ZNF618: variants seen among roughly 807,000 people sequenced by gnomAD.
The protein encoded by ZNF618 is neural precursor cell expressed, developmentally down-regulated 10.
ZNF618 carries 34 observed loss-of-function variants against 103.0 expected under a neutral mutation model. That is an observed-to-expected ratio of 0.33 (90% CI 0.25 to 0.44). ZNF618 has a LOEUF of 0.44. Among genes scored for constraint, ZNF618 ranks in the 20% least tolerant of loss-of-function variants. The pLI, the probability that ZNF618 is intolerant of heterozygous loss-of-function variation, is 1.00. For missense variants in ZNF618, 1,059 were observed against 1,295.4 expected, an observed-to-expected ratio of 0.82 and a Z score of 2.80; for synonymous variants, 551 against 542.2, an observed-to-expected ratio of 1.02 and a Z score of -0.23.
chr9:113,914,321 AGCCTCTTTTGGTTCCC>A (rs1831854640), intron 1 of ZNF618, among the ~76,000 whole-genome samples: 1 of 152,178 alleles, frequency 6.6e-6, no homozygotes, highest in African/African-American at 2.4e-5. Context: ...AAATTCCAAG[AGCCTCTTTTGGTTCCC>A]TCTGGCAGCC....
chr9:113,941,899 G>A (rs547578100), intron 1 of ZNF618, among the ~76,000 whole-genome samples: 30 of 152,270 alleles, frequency 2.0e-4, no homozygotes, highest in African/African-American at 6.7e-4. Flanking sequence ...ACCATGAGAC[G>A]CTGGCAGCCA....
intron 1 of ZNF618, among the ~76,000 whole-genome samples, chr9:113,902,469 C>T (rs182080906): frequency 2.0e-4 from 30 of 152,312 alleles, no homozygotes; most frequent in South Asian, 4.1e-4. Flanking sequence ...TTTTCTCCAA[C>T]TTCTCTGCTC....
At chr9:113,904,760 C>G (rs1011232067) in intron 1 of ZNF618, among the ~76,000 whole-genome samples, 1 of 152,194 alleles carries the variant, frequency 6.6e-6, no homozygotes, top group East Asian at 1.9e-4. Flanking sequence ...TACCTACACT[C>G]TTTGGCCCAT....
intron 12 of ZNF618, among the ~76,000 whole-genome samples, chr9:114,033,861 G>A (rs1172416978): frequency 6.6e-6 from 1 of 152,238 alleles, no homozygotes; most frequent in African/African-American, 2.4e-5. Context: ...CTGCCTGGGT[G>A]TGGACAGGTG....
rs565572789 is a variant in ZNF618, at chr9:114,049,822, G to C, written c.2520G>C (p.Trp840Cys). The C allele has an allele frequency of 6.2e-7, 1 of 1,613,868 alleles. No individual in the cohort carries two copies. The highest frequency in any genetic ancestry group is 8.5e-7 in the Non-Finnish European group (1 of 1,179,918). Residue 840 changes from tryptophan (W) to cysteine (C), a missense_variant, in exon 15 of 15, where the codon TGG becomes TGC. Transcript: ENST00000374126. ...CELINEVKES[W>C]AEEADFEPAA... is the part of the protein sequence containing the mutation. ...TCATCAACGAGGTGAAGGAGTCCTG[G>C]GCCGAGGAGGCCGACTTCGAGCCCG...
chr9:113,917,159 A>G (rs1444970488), intron 1 of ZNF618, among the ~76,000 whole-genome samples: 2 of 150,704 alleles, frequency 1.3e-5, no homozygotes, highest in African/African-American at 2.4e-5. Context: ...CTTGCCCAGA[A>G]TGCTCTTTTC....
At position 114,008,547 on chromosome 9, in the gene ZNF618, C is replaced by T. The variant is rs367813437; in HGVS notation, c.747C>T (p.Ile249=). 27 of 1,613,782 alleles carry T rather than the reference C, an allele frequency of 1.7e-5. No homozygotes were observed. Among genetic ancestry groups the T allele is most frequent in the Middle Eastern group, 3.3e-4 (2 of 6,084 alleles). The change falls in exon 9 of 15, where the codon ATC becomes ATT. Residue 249 remains isoleucine (I), a synonymous_variant. Transcript: ENST00000374126. ...AGCCCCCGGAGCCATTCCAGAAAAT[C>T]GGGCCAAGTATGCGGGATTCCCTCT... The part of the protein sequence containing the change: ...KEEPPEPFQK[I]GPKTGNYTCE...
intron 1 of ZNF618, among the ~76,000 whole-genome samples, chr9:113,884,669 T>C (rs776502740): frequency 1.3e-5 from 2 of 152,056 alleles, no homozygotes; most frequent in Non-Finnish European, 2.9e-5. Context: ...CAGTTGGGCT[T>C]AGATGGGACA....
At chr9:113,928,855 C>T (rs191362304) in intron 1 of ZNF618, among the ~76,000 whole-genome samples, 122 of 152,246 alleles carry the variant, frequency 8.0e-4, no homozygotes, top group Non-Finnish European at 5.6e-4. Context: ...CATCCCTGGG[C>T]TGTGATCTTC....
chr9:113,971,007 A>C (rs1210700661), intron 2 of ZNF618, among the ~76,000 whole-genome samples: 1 of 147,486 alleles, frequency 6.8e-6, no homozygotes, highest in Non-Finnish European at 1.5e-5. Flanking sequence ...GGAGTGTGGG[A>C]GAGGAGCAGG....
intron 1 of ZNF618, among the ~76,000 whole-genome samples, chr9:113,876,784 C>T (rs1441737736): frequency 2.6e-5 from 3 of 115,172 alleles, no homozygotes; most frequent in Non-Finnish European, 5.3e-5. Context: ...CCCAAATTTG[C>T]AATTTTCCCC....
At chr9:113,991,099 A>G (rs10759670) in intron 3 of ZNF618, among the ~76,000 whole-genome samples, 89,889 of 152,088 alleles carry the variant, frequency 0.59, 27,052 homozygotes, top group Middle Eastern at 0.73. Context: ...TCAGTGGGGA[A>G]AGCTCTGGGC....
chr9:113,917,767 T>C (rs1832261145), intron 1 of ZNF618, among the ~76,000 whole-genome samples: 1 of 152,212 alleles, frequency 6.6e-6, no homozygotes, highest in African/African-American at 2.4e-5. Flanking sequence ...TAAAAAACTT[T>C]GATTTCGAAA....
At chr9:113,950,944 G>A (rs918299396) in intron 1 of ZNF618, among the ~76,000 whole-genome samples, 2 of 151,450 alleles carry the variant, frequency 1.3e-5, no homozygotes, top group African/African-American at 4.9e-5. Flanking sequence ...CTCGGTGGGA[G>A]CTGAGGCTGG....
intron 10 of ZNF618, among the ~76,000 whole-genome samples, chr9:114,022,921 G>T (rs1189650211): frequency 1.3e-5 from 2 of 151,998 alleles, no homozygotes; most frequent in Non-Finnish European, 2.9e-5. Flanking sequence ...CTGTTGTCCC[G>T]AAATTTCCTT....
chr9:113,995,734 T>C (rs1302215353), intron 3 of ZNF618, among the ~76,000 whole-genome samples: 1 of 152,152 alleles, frequency 6.6e-6, no homozygotes, highest in African/African-American at 2.4e-5. Context: ...GAGTTGGAAG[T>C]CACCCGATTC....
rs1338062191 is a variant in ZNF618 at position 113,884,779 on chromosome 9, A to C, written c.33+8366A>C. Among the ~76,000 whole-genome samples, 9 of 105,808 alleles carry C rather than the reference A, an allele frequency of 8.5e-5. No homozygotes were observed. The South Asian group carries it at 1.8e-3, about 22-fold the overall frequency. The allele number at this position is 105,808 out of a possible 152,430, so 69.4% of individuals were successfully genotyped here. On this transcript the variant is annotated intron_variant, in intron 1 of 14. Coordinates refer to ENST00000374126, the MANE Select transcript of ZNF618 (RefSeq NM_001318042.2). ...CTTATCGAGACACAAACACACAGAG[A>C]GAGAGAGAGAGAGAGAGAGAGAGAG...
intron 1 of ZNF618, among the ~76,000 whole-genome samples, chr9:113,906,906 G>A (rs2131359521): frequency 6.6e-6 from 1 of 152,340 alleles, no homozygotes; most frequent in South Asian, 2.1e-4. Context: ...TCGGAAATGT[G>A]CTCTTCTCCA....
At position 114,028,814 on chromosome 9, in the gene ZNF618, G is replaced by A. The variant is rs879185986; in HGVS notation, c.926G>A (p.Arg309His). ...CATCCAGAGGTCTCCCCATCTCCAC[G>A]CTTCGTGGCAGCGAAGACCCAGACG... is the stretch of plus-strand genomic sequence containing the variant. ...CSHPEVSPSP[R>H]FVAAKTQTNQ... The change falls in exon 11 of 15, where the codon CGC becomes CAC. Residue 309 changes from arginine to histidine, a missense_variant. Arg to His is a conservative substitution (Grantham distance 29). Coordinates refer to ENST00000374126, the MANE Select transcript of ZNF618 (RefSeq NM_001318042.2). 7.7e-6 allele frequency: 12 copies of A among 1,550,482 alleles called. No individual in the cohort carries two copies. Among genetic ancestry groups the A allele is most frequent in the South Asian group, 7.1e-5 (6 of 84,064 alleles).
Sources: gnomAD v4.1 joint callset for allele counts (sites outside exome capture counted in the v4.1 genomes callset) on GRCh38, gnomAD v4.1.1 for gene constraint, MANE v1.5 for transcripts, NCBI Gene and HGNC (gene_info 2026-07-23, HGNC 2026-07-21) for gene names.